Variants in FBXL20 observed in about 807,000 individuals in gnomAD.
FBXL20 encodes F-box/LRR-repeat protein 20.
A neutral mutation model predicts 64.0 loss-of-function variants in FBXL20; 11 were observed. That is an observed-to-expected ratio of 0.17 (90% CI 0.11 to 0.28). The LOEUF (loss-of-function observed/expected upper bound fraction) is 0.28. Among genes scored for constraint, FBXL20 ranks in the 10% least tolerant of loss-of-function variants. The pLI is 1.00. For synonymous variants in FBXL20, 184 were observed against 189.0 expected, an observed-to-expected ratio of 0.97 and a Z score of 0.22; for missense variants, 303 against 526.2, an observed-to-expected ratio of 0.58 and a Z score of 4.15.
intron 1 of FBXL20, 66 bp downstream of exon 1, chr17:39,401,295 G>C: frequency 6.2e-7 from 1 of 1,610,268 alleles, no homozygotes; most frequent in Non-Finnish European, 8.5e-7. Context: ...CGTGCGGAGC[G>C]GACGTTTTGG....
At chr17:39,354,249 G>C (rs573805727) in intron 1 of FBXL20, among the ~76,000 whole-genome samples, 1 of 152,248 alleles carries the variant, frequency 6.6e-6, no homozygotes, top group South Asian at 2.1e-4. Flanking sequence ...AAACAAATAA[G>C]ATAGTATCCC....
chr17:39,386,520 A>G (rs754889323), intron 1 of FBXL20, among the ~76,000 whole-genome samples: 1 of 151,528 alleles, frequency 6.6e-6, no homozygotes, highest in Non-Finnish European at 1.5e-5. Context: ...GCTACTCAGG[A>G]GGCTGAGGCA....
intron 11 of FBXL20, among the ~76,000 whole-genome samples, chr17:39,269,634 G>A (rs1252257438): frequency 6.6e-6 from 1 of 152,056 alleles, no homozygotes; most frequent in Non-Finnish European, 1.5e-5. Flanking sequence ...AAGTAGCTGG[G>A]ATTACAGGCA....
intron 2 of FBXL20, among the ~76,000 whole-genome samples, chr17:39,311,210 T>C (rs2047233042): frequency 6.6e-6 from 1 of 152,090 alleles, no homozygotes; most frequent in Non-Finnish European, 1.5e-5. Flanking sequence ...AATATTAGTT[T>C]TGAGTGCATC....
intron 2 of FBXL20, among the ~76,000 whole-genome samples, chr17:39,304,816 C>G (rs1192289694): frequency 6.6e-6 from 1 of 152,032 alleles, no homozygotes; most frequent in African/African-American, 2.4e-5. Context: ...GAGACTCACC[C>G]GGCTGTCCAG....
intron 2 of FBXL20, among the ~76,000 whole-genome samples, chr17:39,339,928 G>A (rs2047565890): frequency 6.6e-6 from 1 of 151,948 alleles, no homozygotes; most frequent in Non-Finnish European, 1.5e-5. Flanking sequence ...TTACAGGCAT[G>A]AGCCACCGTA....
intron 3 of FBXL20, among the ~76,000 whole-genome samples, chr17:39,302,701 G>A (rs2047148665): frequency 6.6e-6 from 1 of 151,994 alleles, no homozygotes; most frequent in Non-Finnish European, 1.5e-5. Context: ...TGTAGAGATA[G>A]GGCTCCCTAT....
chr17:39,327,507 G>A (rs900218687), intron 2 of FBXL20, among the ~76,000 whole-genome samples: 5 of 151,960 alleles, frequency 3.3e-5, no homozygotes, highest in African/African-American at 1.2e-4. Flanking sequence ...TATGAACTAG[G>A]TATGTTTGCT....
At chr17:39,397,096 G>A (rs188888404) in intron 1 of FBXL20, among the ~76,000 whole-genome samples, 1 of 152,164 alleles carries the variant, frequency 6.6e-6, no homozygotes, top group Non-Finnish European at 1.5e-5. Flanking sequence ...AGTAGAGACA[G>A]GGTTTCACCA....
chr17:39,282,478 G>C (rs956953035), intron 8 of FBXL20, among the ~76,000 whole-genome samples: 5 of 152,118 alleles, frequency 3.3e-5, no homozygotes, highest in Non-Finnish European at 7.4e-5. Flanking sequence ...CTTGACCATG[G>C]TGTATCTTTA....
At chr17:39,387,527 T>C (rs529254834) in intron 1 of FBXL20, among the ~76,000 whole-genome samples, 2 of 151,292 alleles carry the variant, frequency 1.3e-5, no homozygotes, top group Admixed American at 6.6e-5. Context: ...GATCTGGCCG[T>C]CTCGGCCTCC....
chr17:39,402,277 CG>C, upstream of FBXL20: 1 of 1,187,508 alleles, frequency 8.4e-7, no homozygotes, highest in African/African-American at 1.7e-5. Flanking sequence ...GCCGCGCCTC[CG>C]CGGTTGCCGC....
At chr17:39,302,949 T>G (rs961186005) in intron 3 of FBXL20, among the ~76,000 whole-genome samples, 1 of 152,004 alleles carries the variant, frequency 6.6e-6, no homozygotes, top group African/African-American at 2.4e-5. Context: ...TCTCGCTCTG[T>G]CGCCCAGGGT....
At chr17:39,380,547 A>C (rs183802237) in intron 1 of FBXL20, among the ~76,000 whole-genome samples, 39 of 152,236 alleles carry the variant, frequency 2.6e-4, no homozygotes, top group African/African-American at 9.1e-4. Context: ...ATATTACCTT[A>C]ATAGTGAGGT....
chr17:39,312,058 C>T (rs561020491), intron 2 of FBXL20, among the ~76,000 whole-genome samples: 3 of 152,186 alleles, frequency 2.0e-5, no homozygotes, highest in East Asian at 1.9e-4. Context: ...TGGATTTGAA[C>T]GTTTTAGAGC....
chr17:39,368,210 G>A (rs900245976), intron 1 of FBXL20, among the ~76,000 whole-genome samples: 3 of 152,030 alleles, frequency 2.0e-5, no homozygotes, highest in Admixed American at 2.0e-4. Context: ...GCAACACAGC[G>A]AGAACTTATC....
rs193263673 is a variant in FBXL20 at position 39,324,067 on chromosome 17, C to T, written c.104+19113G>A. Reference sequence around the variant, plus strand: ...GTGCTGGGATTAAAGGCGTGAGCCACCGTGCCTGGCCTATACTTCTGTTTT... The same window carrying T: ...GTGCTGGGATTAAAGGCGTGAGCCATCGTGCCTGGCCTATACTTCTGTTTT... On this transcript the variant is annotated intron_variant, in intron 2 of 14. Coordinates refer to ENST00000264658, the MANE Select transcript of FBXL20 (RefSeq NM_032875.3). Among the ~76,000 whole-genome samples the T allele has an allele frequency of 1.7e-4, 25 of 143,652 alleles. No homozygotes were observed. In the South Asian group the frequency reaches 4.3e-3, roughly 25 times the overall value. 94.2% of individuals were successfully genotyped at this position (143,652 alleles called of 152,430 possible).
intron 14 of FBXL20, chr17:39,263,874 CT>C (rs751141112): frequency 0.024 from 3,910 of 159,784 alleles, 20 homozygotes; most frequent in African/African-American, 0.047. Context: ...GTGGCATGTG[CT>C]TTTTTTTTTT....
intron 10 of FBXL20, among the ~76,000 whole-genome samples, chr17:39,274,003 A>G (rs1320805079): frequency 1.3e-5 from 2 of 151,608 alleles, no homozygotes; most frequent in Non-Finnish European, 2.9e-5. Flanking sequence ...CCTCCTGAGT[A>G]GCTGGGACTA....
Sources: gnomAD v4.1 joint callset for allele counts (sites outside exome capture counted in the v4.1 genomes callset) on GRCh38, gnomAD v4.1.1 for gene constraint, MANE v1.5 for transcripts, NCBI Gene and HGNC (gene_info 2026-07-23, HGNC 2026-07-21) for gene names.